Variants in FAT3 observed in about 807,000 individuals in gnomAD.
FAT3 encodes the protein protocadherin Fat 3.
In FAT3, 95 loss-of-function variants were observed where a neutral mutation model predicts 310.2. That is an observed-to-expected ratio of 0.31 (90% CI 0.26 to 0.36). The LOEUF (loss-of-function observed/expected upper bound fraction) is 0.36. FAT3 is among the 10% of genes least tolerant of loss of function. FAT3 has a pLI of 1.00. For synonymous variants in FAT3, 2,314 were observed against 2,192.9 expected (o/e 1.06, Z -1.54); for missense variants, 5,408 against 5,715.6 (o/e 0.95, Z 1.74).
At chr11:92,573,678 A>G (rs906053647) in intron 3 of FAT3, among the ~76,000 whole-genome samples, 1 of 152,128 alleles carries the variant, frequency 6.6e-6, no homozygotes, top group Admixed American at 6.6e-5. Flanking sequence ...AGATAGAGGC[A>G]GAGGTTAGAG....
intron 2 of FAT3, among the ~76,000 whole-genome samples, chr11:92,471,509 C>T (rs1283758731): frequency 6.6e-6 from 1 of 152,076 alleles, no homozygotes; most frequent in Non-Finnish European, 1.5e-5. Context: ...CCATTTGATA[C>T]CCTTCACGTT....
chr11:92,477,403 A>G (rs1420206840), intron 2 of FAT3, among the ~76,000 whole-genome samples: 1 of 152,250 alleles, frequency 6.6e-6, no homozygotes, highest in East Asian at 1.9e-4. Flanking sequence ...GATATATGCA[A>G]TCTAAACACA....
intron 2 of FAT3, among the ~76,000 whole-genome samples, chr11:92,421,610 T>C (rs1174756937): frequency 6.6e-6 from 1 of 152,258 alleles, no homozygotes; most frequent in Non-Finnish European, 1.5e-5. Context: ...CTAAGCAGAC[T>C]TGAAGAGGAA....
At chr11:92,663,368 A>C (rs1417950986) in intron 3 of FAT3, among the ~76,000 whole-genome samples, 1 of 152,198 alleles carries the variant, frequency 6.6e-6, no homozygotes, top group Non-Finnish European at 1.5e-5. Context: ...ACCTGATACC[A>C]CAGGCAATGG....
intron 4 of FAT3, among the ~76,000 whole-genome samples, chr11:92,739,968 A>T (rs1945458375): frequency 6.6e-6 from 1 of 152,170 alleles, no homozygotes; most frequent in Non-Finnish European, 1.5e-5. Flanking sequence ...TGATCTTCTG[A>T]GAACGTTCTG....
chr11:92,607,043 C>T (rs1470455273), intron 3 of FAT3, among the ~76,000 whole-genome samples: 2 of 152,216 alleles, frequency 1.3e-5, no homozygotes, highest in African/African-American at 4.8e-5. Context: ...GAATAGATAT[C>T]ACTAACCATC....
chr11:92,235,490 C>T (rs916609908), intron 1 of FAT3, among the ~76,000 whole-genome samples: 12 of 152,188 alleles, frequency 7.9e-5, no homozygotes, highest in African/African-American at 2.9e-4. Flanking sequence ...TCCCTGGGCT[C>T]AGTGGGATAA....
At chr11:92,739,525 A>ACT (rs1945445929) in intron 4 of FAT3, among the ~76,000 whole-genome samples, 1 of 152,218 alleles carries the variant, frequency 6.6e-6, no homozygotes, top group Non-Finnish European at 1.5e-5. Flanking sequence ...TCTTACTGTT[A>ACT]TATGACAAGA....
intron 4 of FAT3, among the ~76,000 whole-genome samples, chr11:92,754,323 G>A (rs1467404225): frequency 2.0e-5 from 3 of 151,868 alleles, no homozygotes; most frequent in African/African-American, 7.3e-5. Context: ...ATACTATTCA[G>A]CCTTTAAAAA....
intron 2 of FAT3, among the ~76,000 whole-genome samples, chr11:92,377,986 A>G (rs1330372933): frequency 6.6e-6 from 1 of 152,132 alleles, no homozygotes; most frequent in Non-Finnish European, 1.5e-5. Flanking sequence ...GATGAACAAA[A>G]TGGACACTGT....
chr11:92,516,010 C>G (rs1953470055), intron 2 of FAT3, among the ~76,000 whole-genome samples: 1 of 151,792 alleles, frequency 6.6e-6, no homozygotes. Flanking sequence ...CCTACCAACC[C>G]AAAAAAGCCC....
At chr11:92,667,262 G>A (rs1316716729) in intron 3 of FAT3, among the ~76,000 whole-genome samples, 1 of 152,114 alleles carries the variant, frequency 6.6e-6, no homozygotes, top group Non-Finnish European at 1.5e-5. Flanking sequence ...AGTGAGACGT[G>A]GCAGCATCCG....
intron 4 of FAT3, among the ~76,000 whole-genome samples, chr11:92,741,637 G>T (rs551133664): frequency 3.3e-5 from 5 of 152,202 alleles, no homozygotes; most frequent in Middle Eastern, 3.4e-3. Flanking sequence ...TTAAGTCTAC[G>T]GAGTTGATCT....
intron 2 of FAT3, among the ~76,000 whole-genome samples, chr11:92,507,877 A>G (rs1000852475): frequency 3.0e-5 from 4 of 132,098 alleles, no homozygotes; most frequent in African/African-American, 1.7e-4. Flanking sequence ...TATACCCCCT[A>G]TAACCGAATC....
At chr11:92,597,572 G>A (rs1939776108) in intron 3 of FAT3, among the ~76,000 whole-genome samples, 1 of 152,148 alleles carries the variant, frequency 6.6e-6, no homozygotes, top group African/African-American at 2.4e-5. Context: ...AGCAGTAAGA[G>A]GTTTGCCATA....
chr11:92,837,759 G>GAC lies in FAT3; in HGVS notation c.10323_10324dup (p.Asn3442ThrfsTer14). The GAC allele has an allele frequency of 6.2e-7, 1 of 1,613,940 alleles. No homozygotes were observed. Among genetic ancestry groups the GAC allele is most frequent in the Non-Finnish European group, 8.5e-7 (1 of 1,179,884 alleles). On this transcript the variant is annotated frameshift_variant, in exon 17 of 28. Coordinates refer to ENST00000525166, the MANE Select transcript of FAT3 (RefSeq NM_001367949.2). LOFTEE classifies it high-confidence loss of function. ...CAACATTGATATTTCTGATGTGAAT[G>GAC]ACAACAGCCCGGTGTTTACACCTGC...
At chr11:92,626,490 CA>C (rs972801995) in intron 3 of FAT3, among the ~76,000 whole-genome samples, 4 of 148,458 alleles carry the variant, frequency 2.7e-5, no homozygotes, top group African/African-American at 9.9e-5. Flanking sequence ...TTTTTCCCTT[CA>C]AAAAATAACC....
At position 92,751,505 on chromosome 11, in the gene FAT3, C is replaced by T. The variant is rs531570381; in HGVS notation, c.3670-10351C>T. Among the ~76,000 whole-genome samples, 39 of 152,166 alleles carry T rather than the reference C, an allele frequency of 2.6e-4. 1 individual carries two copies. The South Asian group carries it at 7.5e-3, about 29-fold the overall frequency. The stretch of plus-strand genomic sequence containing the variant: ...TGTGAGAGGGAGCTGATGATGTAAC[C>T]ATGTAACAAGATAGTAAGAGAGGAT... On this transcript the variant is annotated intron_variant, in intron 4 of 27. Coordinates refer to ENST00000525166, the MANE Select transcript of FAT3 (RefSeq NM_001367949.2).
At chr11:92,859,433 A>G (rs1053038628) in intron 21 of FAT3, 111 bp downstream of exon 21, 5 of 1,155,288 alleles carry the variant, frequency 4.3e-6, no homozygotes, top group Non-Finnish European at 5.8e-6. Flanking sequence ...GAAGACCAGA[A>G]GCAGACTTCT....
Sources: gnomAD v4.1 joint callset for allele counts (sites outside exome capture counted in the v4.1 genomes callset) on GRCh38, gnomAD v4.1.1 for gene constraint, MANE v1.5 for transcripts, NCBI Gene and HGNC (gene_info 2026-07-23, HGNC 2026-07-21) for gene names.